SEC22A: variants seen among roughly 807,000 people sequenced by gnomAD.
SEC22A encodes SEC22 homolog A, vesicle trafficking protein.
A neutral mutation model predicts 35.3 loss-of-function variants in SEC22A; 22 were observed. The observed-to-expected ratio is 0.62, with a 90% CI of 0.45 to 0.89. SEC22A has a LOEUF of 0.89. Among genes scored for constraint, SEC22A ranks in the 40% least tolerant of loss-of-function variants. The pLI, the probability that SEC22A is intolerant of heterozygous loss-of-function variation, is 0.00. For missense variants in SEC22A, 354 were observed against 362.5 expected, an observed-to-expected ratio of 0.98 and a Z score of 0.19; for synonymous variants, 119 against 129.5, an observed-to-expected ratio of 0.92 and a Z score of 0.55.
At chr3:123,261,122 A>G (rs1937887283) in intron 6 of SEC22A, among the ~76,000 whole-genome samples, 1 of 152,102 alleles carries the variant, frequency 6.6e-6, no homozygotes. Flanking sequence ...GGCGTGAGCC[A>G]CCGCGCCTGA....
At chr3:123,214,514 A>G (rs1321860994) in intron 2 of SEC22A, among the ~76,000 whole-genome samples, 2 of 152,336 alleles carry the variant, frequency 1.3e-5, no homozygotes, top group East Asian at 3.9e-4. Context: ...CACATTCTAT[A>G]GTGATATTCC....
chr3:123,265,063 T>C (rs1559765248), intron 6 of SEC22A, among the ~76,000 whole-genome samples: 1 of 152,234 alleles, frequency 6.6e-6, no homozygotes, highest in African/African-American at 2.4e-5. Context: ...CAACCATGGA[T>C]TGAAAATATT....
intron 5 of SEC22A, among the ~76,000 whole-genome samples, chr3:123,248,902 A>G (rs184815860): frequency 2.6e-5 from 4 of 152,266 alleles, no homozygotes; most frequent in African/African-American, 7.2e-5. Flanking sequence ...CTTAATTCAA[A>G]TCACTTTTAA....
chr3:123,213,591 T>C (rs1413821382), intron 2 of SEC22A, among the ~76,000 whole-genome samples: 2 of 152,228 alleles, frequency 1.3e-5, no homozygotes, highest in Non-Finnish European at 2.9e-5. Context: ...TCATCACTTA[T>C]TAAAATTTCT....
intron 4 of SEC22A, among the ~76,000 whole-genome samples, chr3:123,243,039 T>C (rs1034351987): frequency 6.6e-6 from 1 of 152,162 alleles, no homozygotes; most frequent in Non-Finnish European, 1.5e-5. Context: ...AATTGTATAC[T>C]ATCAATTTGT....
chr3:123,258,360 T>G (rs1937791986), intron 5 of SEC22A, among the ~76,000 whole-genome samples: 1 of 152,194 alleles, frequency 6.6e-6, no homozygotes, highest in Admixed American at 6.5e-5. Context: ...AATCTGTATT[T>G]TCCAGATTCT....
At chr3:123,265,224 C>G (rs1277891553) in intron 6 of SEC22A, among the ~76,000 whole-genome samples, 2 of 152,084 alleles carry the variant, frequency 1.3e-5, no homozygotes, top group Non-Finnish European at 2.9e-5. Context: ...AAGTTAAATG[C>G]AAATATTGTG....
At chr3:123,211,097 A>G (rs1483502692) in intron 2 of SEC22A, among the ~76,000 whole-genome samples, 1 of 152,168 alleles carries the variant, frequency 6.6e-6, no homozygotes, top group Non-Finnish European at 1.5e-5. Context: ...ACTTGATAAA[A>G]ACAATCCTGA....
intron 6 of SEC22A, among the ~76,000 whole-genome samples, chr3:123,263,897 A>G (rs1343538356): frequency 1.3e-5 from 2 of 150,018 alleles, no homozygotes; most frequent in Non-Finnish European, 3.0e-5. Context: ...TATGATATGT[A>G]TTCAATGTAC....
intron 5 of SEC22A, among the ~76,000 whole-genome samples, chr3:123,246,734 A>G (rs184851622): frequency 1.9e-3 from 284 of 152,040 alleles, no homozygotes; most frequent in South Asian, 3.9e-3. Context: ...CCTTATTTCT[A>G]TTCACTTTCT....
At position 123,238,550 on chromosome 3, in the gene SEC22A, A is replaced by G. The variant is rs532568230; in HGVS notation, c.542-7349A>G. Among the ~76,000 whole-genome samples the G allele has an allele frequency of 2.6e-5, 4 of 152,336 alleles. No homozygotes were observed. In the East Asian group the frequency reaches 5.8e-4, roughly 22 times the overall value. ...TACTTTTAATTCAGACCAAGCCTAC[A>G]TAATATTTTCTATGGTCCCCAAGTT... On this transcript the variant is annotated intron_variant, in intron 4 of 6. Coordinates refer to ENST00000492595, the MANE Select transcript of SEC22A (RefSeq NM_012430.5).
intron 1 of SEC22A, among the ~76,000 whole-genome samples, chr3:123,205,556 C>T (rs1023358274): frequency 4.6e-5 from 7 of 152,084 alleles, no homozygotes; most frequent in Admixed American, 1.3e-4. Context: ...GGCATGGTGG[C>T]GGGCACCTGT....
chr3:123,213,172 C>A (rs1274759028), intron 2 of SEC22A, among the ~76,000 whole-genome samples: 1 of 152,138 alleles, frequency 6.6e-6, no homozygotes, highest in East Asian at 1.9e-4. Context: ...AGTTCTAGTT[C>A]TAGTTCCTGA....
intron 5 of SEC22A, 117 bp downstream of exon 5, chr3:123,246,131 G>GT (rs983502825): frequency 8.3e-6 from 5 of 600,604 alleles, no homozygotes; most frequent in African/African-American, 1.9e-5. Flanking sequence ...CAAAATCTAT[G>GT]TTTTTTTATA....
At chr3:123,245,807 C>T in intron 4 of SEC22A, 92 bp from the exon 5 acceptor site, 1 of 686,152 alleles carries the variant, frequency 1.5e-6, no homozygotes, top group Non-Finnish European at 2.6e-6. Context: ...TCTGCTTGAC[C>T]CATTTAAGTT....
At chr3:123,245,244 T>G (rs1011892782) in intron 4 of SEC22A, among the ~76,000 whole-genome samples, 1 of 152,226 alleles carries the variant, frequency 6.6e-6, no homozygotes, top group African/African-American at 2.4e-5. Context: ...GATTATGCAA[T>G]GAATTTCCAA....
chr3:123,229,783 ACC>A (rs1486630395), intron 4 of SEC22A, among the ~76,000 whole-genome samples: 1 of 151,380 alleles, frequency 6.6e-6, no homozygotes, highest in Non-Finnish European at 1.5e-5. Context: ...AATTGCTTGA[ACC>A]CGGGAGGCGG....
chr3:123,257,995 G>GAAAAAAAAAAAAAAAAAAAAAA (rs61068587), intron 5 of SEC22A, among the ~76,000 whole-genome samples: 3 of 111,504 alleles, frequency 2.7e-5, no homozygotes, highest in Non-Finnish European at 3.8e-5. Flanking sequence ...CCATCTCATT[G>GAAAAAAAAAAAAAAAAAAAAAA]AAAAAAAAAA....
At chr3:123,208,577 TAGTCCCAGCC>T (rs1314995461) in intron 1 of SEC22A, 1 of 152,034 alleles carries the variant, frequency 6.6e-6, no homozygotes, top group Non-Finnish European at 1.5e-5. Context: ...CAGGCGCCTA[TAGTCCCAGCC>T]ACATCCTATG....
Sources: gnomAD v4.1 joint callset for allele counts (sites outside exome capture counted in the v4.1 genomes callset) on GRCh38, gnomAD v4.1.1 for gene constraint, MANE v1.5 for transcripts, NCBI Gene and HGNC (gene_info 2026-07-23, HGNC 2026-07-21) for gene names.